The following PIBF1 variants were observed in gnomAD, a reference collection of about 807,000 sequenced individuals.
The protein encoded by PIBF1 is progesterone-induced-blocking factor 1.
Under a neutral mutation model 112.5 loss-of-function variants are expected in PIBF1, and 90 were observed. The observed-to-expected ratio is 0.80, with a 90% confidence interval of 0.67 to 0.95. The LOEUF (loss-of-function observed/expected upper bound fraction) is 0.95, where lower values mean the gene tolerates loss of function less well. Ranked by LOEUF, PIBF1 falls within the 40% of genes least tolerant of loss-of-function variation. The probability of loss-of-function intolerance (pLI) is 0.00; values close to 1 mark genes in which losing one functional copy is unlikely to be tolerated. For missense variants in PIBF1, 915 were observed against 852.3 expected (o/e 1.07, Z -0.92); for synonymous variants, 301 against 288.6 (o/e 1.04, Z -0.44).
chr13:72,982,211 G>A (rs2043174018), intron 16 of PIBF1, among the ~76,000 whole-genome samples: 1 of 152,132 alleles, frequency 6.6e-6, no homozygotes, highest in South Asian at 2.1e-4. Context: ...GCCAAGGCAG[G>A]CAGATCGCTT....
chr13:72,945,249 A>G (rs1292463897), intron 14 of PIBF1, among the ~76,000 whole-genome samples: 4 of 152,226 alleles, frequency 2.6e-5, no homozygotes, highest in Admixed American at 2.6e-4. Flanking sequence ...GCTGCATAGT[A>G]TCCCATGGTG....
chr13:72,806,481 C>G (rs986793440), intron 5 of PIBF1, among the ~76,000 whole-genome samples: 1 of 151,978 alleles, frequency 6.6e-6, no homozygotes, highest in African/African-American at 2.4e-5. Context: ...CCCATCAACC[C>G]GTATCTACAT....
At chr13:72,805,755 A>G (rs2035701953) in intron 5 of PIBF1, among the ~76,000 whole-genome samples, 1 of 152,230 alleles carries the variant, frequency 6.6e-6, no homozygotes, top group Non-Finnish European at 1.5e-5. Context: ...AAGTAGGTGT[A>G]ATTGCTTGAA....
intron 10 of PIBF1, among the ~76,000 whole-genome samples, chr13:72,868,868 C>G (rs1043091315): frequency 6.6e-6 from 1 of 151,914 alleles, no homozygotes; most frequent in African/African-American, 2.4e-5. Flanking sequence ...ACTACTTCTT[C>G]CCCATTATTG....
At chr13:72,789,901 T>C (rs1353425028) in intron 2 of PIBF1, among the ~76,000 whole-genome samples, 2 of 152,220 alleles carry the variant, frequency 1.3e-5, no homozygotes, top group East Asian at 3.9e-4. Context: ...ATGCTCAACA[T>C]GTAACAGTAT....
rs568515289 is a variant in PIBF1 at position 72,975,054 on chromosome 13, C to CT, written c.2049+1397dup. Among the ~76,000 whole-genome samples, 2,543 of 136,050 alleles carry CT rather than the reference C, an allele frequency of 0.019. 108 individuals carry two copies. The East Asian group carries it at 0.19, about 10-fold the overall frequency. 89.3% of individuals were successfully genotyped at this position (136,050 alleles called of 152,430 possible). A position where few individuals can be genotyped will look rare whatever the true frequency, so the allele number is the denominator to read the frequency against. On this transcript the variant is annotated intron_variant, in intron 16 of 17. Transcript: ENST00000326291. Reference sequence around the variant, plus strand: ...TTTGTTATTCTAATAGAAAAAGAAACTTTTTTTTTTTTTTTTTTGGAGACA... The same window carrying CT: ...TTTGTTATTCTAATAGAAAAAGAAACTTTTTTTTTTTTTTTTTTTGGAGACA...
chr13:72,978,102 T>C (rs1253190304), intron 16 of PIBF1, among the ~76,000 whole-genome samples: 1 of 152,192 alleles, frequency 6.6e-6, no homozygotes, highest in Admixed American at 6.5e-5. Flanking sequence ...GTTTTGTCCC[T>C]ATATTCAGTA....
chr13:72,945,194 C>A (rs1443207332), intron 14 of PIBF1, among the ~76,000 whole-genome samples: 2 of 152,180 alleles, frequency 1.3e-5, no homozygotes, highest in Admixed American at 6.6e-5. Context: ...TGGCCTCCAG[C>A]TGCATCTGTG....
At chr13:72,985,782 A>G (rs1424888369) in intron 16 of PIBF1, among the ~76,000 whole-genome samples, 1 of 152,118 alleles carries the variant, frequency 6.6e-6, no homozygotes, top group Non-Finnish European at 1.5e-5. Context: ...AGTGGAGGAT[A>G]GGGTTTAAAG....
intron 5 of PIBF1, among the ~76,000 whole-genome samples, chr13:72,814,007 A>T (rs1249964401): frequency 6.6e-6 from 1 of 152,172 alleles, no homozygotes; most frequent in Non-Finnish European, 1.5e-5. Flanking sequence ...AATAAGGTGG[A>T]TAAAGTCTCC....
chr13:72,934,471 G>A (rs2041804925), intron 14 of PIBF1, among the ~76,000 whole-genome samples: 1 of 151,992 alleles, frequency 6.6e-6, no homozygotes, highest in Admixed American at 6.6e-5. Context: ...CTAATTTTTT[G>A]TATTTTTAGT....
intron 10 of PIBF1, among the ~76,000 whole-genome samples, chr13:72,891,724 T>C (rs1398047329): frequency 6.6e-6 from 1 of 152,066 alleles, no homozygotes; most frequent in African/African-American, 2.4e-5. Context: ...CCAAGAGAAA[T>C]GAATTCATGT....
chr13:73,003,161 TAA>T (rs1204779203), intron 17 of PIBF1, among the ~76,000 whole-genome samples: 1 of 151,958 alleles, frequency 6.6e-6, no homozygotes, highest in East Asian at 1.9e-4. Flanking sequence ...ATAGATAGAT[TAA>T]GTTTATATAA....
chr13:72,894,764 A>ATC (rs1264698969), intron 11 of PIBF1, among the ~76,000 whole-genome samples: 1 of 119,304 alleles, frequency 8.4e-6, no homozygotes, highest in African/African-American at 3.5e-5. Context: ...TATATTATAT[A>ATC]TATATATAGT....
chr13:72,830,881 G>T (rs1267642026), intron 8 of PIBF1, among the ~76,000 whole-genome samples: 2 of 152,150 alleles, frequency 1.3e-5, no homozygotes, highest in African/African-American at 2.4e-5. Context: ...GTAGAATTCA[G>T]CTGGGAATCC....
Position 72,998,892 on chromosome 13 carries a change from C to A in PIBF1, c.2120C>A (p.Thr707Asn). ...SKHSENSLLL[T>N]KTEPKHVTEN... ...CATTCTGAGAACAGCTTACTTCTCA[C>A]TAAAACAGAACCAAAACATGTGACA... The change falls in exon 17 of 18, where the codon ACT becomes AAT. Residue 707 changes from threonine (T) to asparagine (N), a missense_variant. By Grantham distance (65) the Thr-to-Asn change is moderately conservative. Transcript: ENST00000326291. 6.2e-7 allele frequency: 1 copy of A among 1,612,264 alleles called. No individual in the cohort carries two copies. Among genetic ancestry groups the A allele is most frequent in the Non-Finnish European group, 8.5e-7 (1 of 1,178,594 alleles).
intron 4 of PIBF1, among the ~76,000 whole-genome samples, chr13:72,795,997 A>G (rs946316745): frequency 3.3e-5 from 5 of 152,158 alleles, no homozygotes; most frequent in Non-Finnish European, 7.4e-5. Context: ...GGATTAATCT[A>G]TGGCAGTGGT....
intron 11 of PIBF1, among the ~76,000 whole-genome samples, chr13:72,899,660 G>T (rs1021842496): frequency 6.6e-6 from 1 of 152,134 alleles, no homozygotes; most frequent in Non-Finnish European, 1.5e-5. Flanking sequence ...ACTGAATGGG[G>T]AAAAATTGAA....
intron 11 of PIBF1, among the ~76,000 whole-genome samples, chr13:72,899,765 CA>C (rs1382722908): frequency 6.6e-6 from 1 of 152,120 alleles, no homozygotes; most frequent in Non-Finnish European, 1.5e-5. Flanking sequence ...AGCAATCAAA[CA>C]AGAGAAAGAA....
Sources: gnomAD v4.1 joint callset for allele counts (sites outside exome capture counted in the v4.1 genomes callset) on GRCh38, gnomAD v4.1.1 for gene constraint, MANE v1.5 for transcripts, NCBI Gene and HGNC (gene_info 2026-07-23, HGNC 2026-07-21) for gene names.